The following EPB41L4B variants were observed in gnomAD, a reference collection of about 807,000 sequenced individuals.
EPB41L4B encodes the protein erythrocyte membrane protein band 4.1 like 4B, also known as band 4.1-like protein 4B.
A neutral mutation model predicts 112.5 loss-of-function variants in EPB41L4B; 30 were observed. The observed-to-expected ratio is 0.27, with a 90% confidence interval of 0.20 to 0.36. The LOEUF (loss-of-function observed/expected upper bound fraction) is 0.36, where lower values mean the gene tolerates loss of function less well. EPB41L4B is among the 10% of genes least tolerant of loss of function. EPB41L4B has a pLI of 1.00. For synonymous variants in EPB41L4B, 408 were observed against 439.7 expected (o/e 0.93, Z 0.90); for missense variants, 1,024 against 1,133.3 (o/e 0.90, Z 1.38).
At chr9:109,320,103 G>T in intron 1 of EPB41L4B, 38 bp downstream of exon 1, 1 of 1,388,252 alleles carries the variant, frequency 7.2e-7, no homozygotes, top group South Asian at 1.6e-5. Context: ...CTCCAGGGGC[G>T]CGAGGTGCCA....
intron 15 of EPB41L4B, among the ~76,000 whole-genome samples, chr9:109,223,430 G>A (rs1208737949): frequency 8.5e-6 from 1 of 118,282 alleles, no homozygotes; most frequent in Non-Finnish European, 1.7e-5. Flanking sequence ...GCAAGACCCT[G>A]TCTCAAAAAA....
intron 19 of EPB41L4B, among the ~76,000 whole-genome samples, chr9:109,201,799 C>T (rs549493352): frequency 6.6e-6 from 1 of 152,032 alleles, no homozygotes; most frequent in South Asian, 2.1e-4. Context: ...GAGGGAAAGT[C>T]GAGGCCGGGT....
intron 19 of EPB41L4B, 72 bp from the exon 20 acceptor site, chr9:109,200,406 G>C: frequency 8.4e-7 from 1 of 1,192,266 alleles, no homozygotes; most frequent in Non-Finnish European, 1.2e-6. Context: ...CATAGGGACT[G>C]CTTTCTCAGT....
chr9:109,264,049 G>C (rs570734783), intron 5 of EPB41L4B, among the ~76,000 whole-genome samples: 9 of 152,078 alleles, frequency 5.9e-5, no homozygotes, highest in Non-Finnish European at 1.2e-4. Flanking sequence ...TAGAGAGAGA[G>C]AGAGAGAGGG....
intron 2 of EPB41L4B, among the ~76,000 whole-genome samples, chr9:109,271,574 T>C (rs934858839): frequency 6.6e-6 from 1 of 152,222 alleles, no homozygotes; most frequent in Non-Finnish European, 1.5e-5. Context: ...GCTTGAACGC[T>C]GGGGCAATGA....
At chr9:109,262,938 T>G in intron 6 of EPB41L4B, 112 bp downstream of exon 6, 1 of 737,056 alleles carries the variant, frequency 1.4e-6, no homozygotes. Context: ...CCGTGTCATA[T>G]TCATTTATAT....
intron 6 of EPB41L4B, among the ~76,000 whole-genome samples, chr9:109,260,229 C>G (rs1835147258): frequency 6.6e-6 from 1 of 151,948 alleles, no homozygotes; most frequent in Admixed American, 6.6e-5. Flanking sequence ...GCCACCATAC[C>G]TGGCTAATTT....
intron 1 of EPB41L4B, among the ~76,000 whole-genome samples, chr9:109,299,165 T>C (rs1192475819): frequency 1.3e-5 from 2 of 152,222 alleles, no homozygotes; most frequent in East Asian, 3.8e-4. Flanking sequence ...GGAAATCAGA[T>C]CGTGCTATCA....
chr9:109,208,091 A>G (rs775735918), intron 17 of EPB41L4B, 42 bp from the exon 18 acceptor site: 2 of 1,612,312 alleles, frequency 1.2e-6, no homozygotes, highest in East Asian at 2.2e-5. Flanking sequence ...GTAAACAAAG[A>G]GAGAACCATG....
At chr9:109,184,035 G>T (rs555016151) in intron 23 of EPB41L4B, among the ~76,000 whole-genome samples, 1 of 152,314 alleles carries the variant, frequency 6.6e-6, no homozygotes, top group African/African-American at 2.4e-5. Flanking sequence ...TCTCAAAATT[G>T]CCAGAATAGG....
In EPB41L4B at chr9:109,258,310, T is replaced by A; in HGVS notation, c.632-13A>T. 6.2e-7 allele frequency: 1 copy of A among 1,609,090 alleles called. No individual in the cohort carries two copies. Among genetic ancestry groups the A allele is most frequent in the Non-Finnish European group, 8.5e-7 (1 of 1,176,798 alleles). The stretch of plus-strand genomic sequence containing the variant: ...TCCCCAAGCTCCGCTGTAAGTTTCA[T>A]AAAAGGGAGGAAAATAGGAGACATT... On this transcript the variant is annotated splice_polypyrimidine_tract_variant and intron_variant, in intron 6 of 25. Transcript: ENST00000374566.
intron 15 of EPB41L4B, among the ~76,000 whole-genome samples, chr9:109,237,054 T>C (rs1036580318): frequency 1.2e-4 from 19 of 152,134 alleles, no homozygotes; most frequent in Admixed American, 7.9e-4. Flanking sequence ...TTAAAAGCTG[T>C]AAAGTCAAGG....
intron 13 of EPB41L4B, among the ~76,000 whole-genome samples, 165 bp downstream of exon 13, chr9:109,251,316 T>G (rs1218448457): frequency 6.6e-6 from 1 of 152,228 alleles, no homozygotes; most frequent in Non-Finnish European, 1.5e-5. Flanking sequence ...TATTGTGTAC[T>G]TATTGAAAGC....
intron 1 of EPB41L4B, among the ~76,000 whole-genome samples, chr9:109,282,094 T>C (rs1325396974): frequency 6.6e-6 from 1 of 152,216 alleles, no homozygotes; most frequent in African/African-American, 2.4e-5. Flanking sequence ...TGCTTCCACA[T>C]GGATGGACCT....
At chr9:109,294,191 G>C (rs745550466) in intron 1 of EPB41L4B, among the ~76,000 whole-genome samples, 7 of 151,912 alleles carry the variant, frequency 4.6e-5, no homozygotes, top group Admixed American at 6.6e-5. Context: ...TGTAGTCCCA[G>C]CTACTCGGGA....
chr9:109,203,851 C>T, intron 18 of EPB41L4B, 121 bp from the exon 19 acceptor site: 1 of 745,816 alleles, frequency 1.3e-6, no homozygotes, highest in South Asian at 1.6e-5. Flanking sequence ...AGGTAGTTCA[C>T]CAAGTACTCA....
At chr9:109,307,381 C>A in intron 1 of EPB41L4B, 1 of 366,138 alleles carries the variant, frequency 2.7e-6, no homozygotes, top group South Asian at 2.2e-5. Flanking sequence ...ATTTCCTGCT[C>A]TCCCATTACA....
chr9:109,288,722 CAAAAAA>C (rs386415824), intron 1 of EPB41L4B, among the ~76,000 whole-genome samples: 8 of 23,036 alleles, frequency 3.5e-4, no homozygotes, highest in South Asian at 3.5e-3. Flanking sequence ...GACTCCGTCT[CAAAAAA>C]AAAAAAAAAA....
intron 15 of EPB41L4B, among the ~76,000 whole-genome samples, chr9:109,218,126 C>CTTTTTTTTT (rs10654240): frequency 2.8e-5 from 3 of 106,554 alleles, no homozygotes; most frequent in African/African-American, 3.8e-5. Flanking sequence ...ACTAATAATT[C>CTTTTTTTTT]TTTTTTTTTT....
Sources: gnomAD v4.1 joint callset for allele counts (sites outside exome capture counted in the v4.1 genomes callset) on GRCh38, gnomAD v4.1.1 for gene constraint, MANE v1.5 for transcripts, NCBI Gene and HGNC (gene_info 2026-07-23, HGNC 2026-07-21) for gene names.